NBEAL1: variants seen among roughly 807,000 people sequenced by gnomAD.
The protein encoded by NBEAL1 is neurobeachin like 1, also known as neurobeachin-like protein 1.
A neutral mutation model predicts 351.3 loss-of-function variants in NBEAL1; 273 were observed. The observed-to-expected ratio is 0.78, with a 90% CI of 0.70 to 0.86. NBEAL1 has a LOEUF of 0.86. Ranked by LOEUF, NBEAL1 falls within the 40% of genes least tolerant of loss-of-function variation. The pLI, the probability that NBEAL1 is intolerant of heterozygous loss-of-function variation, is 0.00. For synonymous variants in NBEAL1, 1,050 were observed against 1,086.4 expected (o/e 0.97, Z 0.66); for missense variants, 2,961 against 3,201.3 (o/e 0.92, Z 1.81).
chr2:203,129,280 G>A (rs2063018876), intron 24 of NBEAL1, among the ~76,000 whole-genome samples: 1 of 152,054 alleles, frequency 6.6e-6, no homozygotes, highest in Admixed American at 6.6e-5. Context: ...TTAAAAAAAA[G>A]CATTTTAGAG....
chr2:203,099,859 T>C, intron 12 of NBEAL1, 147 bp downstream of exon 12: 1 of 556,402 alleles, frequency 1.8e-6, no homozygotes, highest in Non-Finnish European at 3.1e-6. Flanking sequence ...ATAAGCATAG[T>C]ACCCAATAGG....
At chr2:203,097,696 T>G (rs2062212730) in intron 11 of NBEAL1, 63 bp downstream of exon 11, 4 of 470,918 alleles carry the variant, frequency 8.5e-6, no homozygotes, top group Non-Finnish European at 1.1e-5. Flanking sequence ...GGAATAACTA[T>G]TCCTGTGCTT....
intron 6 of NBEAL1, among the ~76,000 whole-genome samples, chr2:203,065,580 G>A (rs986303308): frequency 1.1e-4 from 16 of 151,858 alleles, no homozygotes; most frequent in South Asian, 2.1e-4. Flanking sequence ...GTGAAACCCC[G>A]TCTCTACTAA....
chr2:203,085,689 G>A (rs1450261539), intron 10 of NBEAL1: 1 of 151,956 alleles, frequency 6.6e-6, no homozygotes, highest in African/African-American at 2.4e-5. Flanking sequence ...TAAATGATTT[G>A]GTGCCCTTTC....
intron 6 of NBEAL1, among the ~76,000 whole-genome samples, chr2:203,065,625 G>A (rs1264074345): frequency 6.6e-6 from 1 of 152,040 alleles, no homozygotes; most frequent in East Asian, 1.9e-4. Flanking sequence ...GGTGGCGGGC[G>A]CCTGTAGTCC....
intron 45 of NBEAL1, 75 bp from the exon 46 acceptor site, chr2:203,190,217 C>A (rs2065031539): frequency 6.4e-6 from 5 of 776,560 alleles, no homozygotes; most frequent in Admixed American, 2.2e-5. Context: ...CACCAATGAG[C>A]CTGATACATT....
intron 36 of NBEAL1, among the ~76,000 whole-genome samples, chr2:203,159,021 A>G (rs546960850): frequency 6.6e-6 from 1 of 151,704 alleles, no homozygotes; most frequent in Admixed American, 6.6e-5. Context: ...GTCTCACTGT[A>G]TTGCCCAGGC....
rs902339081 is a variant in NBEAL1 at position 203,157,629 on chromosome 2, C to G, written c.5588-70C>G. ...AACAGTCAGGAACACAATTAGCAGT[C>G]AGAAATTACAGAAAGGCTATAATAT... On this transcript the variant is annotated intron_variant, in intron 35 of 55. Transcript: ENST00000683969. 50 of 1,181,384 alleles carry G rather than the reference C, an allele frequency of 4.2e-5. No homozygotes were observed. In the Admixed American group the frequency reaches 1.3e-3, roughly 32 times the overall value. The allele number at this position is 1,181,384 out of a possible 1,614,324, so 73.2% of individuals were successfully genotyped here. A position where few individuals can be genotyped will look rare whatever the true frequency, so the allele number is the denominator to read the frequency against.
At position 203,152,352 on chromosome 2, in the gene NBEAL1, G is replaced by GA. The variant is rs200515736; in HGVS notation, c.5587+777dup. On this transcript the variant is annotated intron_variant, in intron 35 of 55. Transcript: ENST00000683969. Reference sequence around the variant, plus strand: ...TTAGATTGGCCAATGCCTTTTTCTAGAAAAAAAAAAAAAACTACTTGAGGT... The same window carrying GA: ...TTAGATTGGCCAATGCCTTTTTCTAGAAAAAAAAAAAAAAACTACTTGAGGT... 3.3e-3 allele frequency among the ~76,000 whole-genome samples: 414 copies of GA among 124,686 alleles called. 1 individual carries two copies. The highest frequency in any genetic ancestry group is 8.2e-3 in the Middle Eastern group (2 of 244). The allele number at this position is 124,686 out of a possible 152,430, so 81.8% of individuals were successfully genotyped here.
At chr2:203,095,767 T>G (rs2062171247) in intron 10 of NBEAL1, among the ~76,000 whole-genome samples, 2 of 152,224 alleles carry the variant, frequency 1.3e-5, no homozygotes, top group South Asian at 4.2e-4. Flanking sequence ...TTGTTTTTTG[T>G]TTGTTTTGTT....
chr2:203,062,212 C>T lies in NBEAL1; in HGVS notation c.515+4759C>T. 2.2e-6 allele frequency: 1 copy of T among 455,746 alleles called. No homozygotes were observed. Among genetic ancestry groups the T allele is most frequent in the South Asian group, 1.6e-5 (1 of 64,398 alleles). 28.2% of individuals were successfully genotyped at this position (455,746 alleles called of 1,614,324 possible). On this transcript the variant is annotated intron_variant, in intron 6 of 55. Transcript: ENST00000683969. The surrounding 1 kb of genome is among the most constrained non-coding windows in gnomAD (Gnocchi z 4.2). Reference sequence around the variant, plus strand: ...TTCACACAGTCTCTCTACCATATGACTTACATTTCTCCCATATTTTCTGAC... The same window carrying T: ...TTCACACAGTCTCTCTACCATATGATTTACATTTCTCCCATATTTTCTGAC...
At chr2:203,041,626 A>T in intron 2 of NBEAL1, 139 bp from the exon 3 acceptor site, 1 of 621,792 alleles carries the variant, frequency 1.6e-6, no homozygotes, top group South Asian at 2.1e-5. Flanking sequence ...TGTACATTTT[A>T]AAACAGCACA....
Position 203,221,642 on chromosome 2 carries a change from A to G in NBEAL1, c.*4288A>G, listed in dbSNP as rs1329800345. Among the ~76,000 whole-genome samples the G allele has an allele frequency of 6.6e-6, 1 of 152,152 alleles. No individual in the cohort carries two copies. The highest frequency in any genetic ancestry group is 1.5e-5 in the Non-Finnish European group (1 of 68,032). On this transcript the variant is annotated 3_prime_UTR_variant, in exon 56 of 56. Coordinates refer to ENST00000683969, the MANE Select transcript of NBEAL1 (RefSeq NM_001378026.1). Reference sequence around the variant, plus strand: ...TGAAACTGTTTCTCCCCAATAAGTGAGCAATCTTAAACATTTTCATCACTC... The same window carrying G: ...TGAAACTGTTTCTCCCCAATAAGTGGGCAATCTTAAACATTTTCATCACTC...
chr2:203,176,466 T>C (rs2064505221), intron 42 of NBEAL1, among the ~76,000 whole-genome samples: 1 of 152,128 alleles, frequency 6.6e-6, no homozygotes, highest in South Asian at 2.1e-4. Context: ...AGTTCACACC[T>C]CTAATCCCAG....
chr2:203,210,849 C>G (rs879549484), intron 53 of NBEAL1, 109 bp from the exon 54 acceptor site: 8 of 545,948 alleles, frequency 1.5e-5, no homozygotes, highest in Non-Finnish European at 2.5e-5. Flanking sequence ...ATATTTTTAT[C>G]CTAAAATGTT....
intron 4 of NBEAL1, 89 bp from the exon 5 acceptor site, chr2:203,056,338 C>T: frequency 1.4e-6 from 1 of 728,150 alleles, no homozygotes; most frequent in Non-Finnish European, 2.5e-6. Context: ...TGTTTGCCAG[C>T]ATGTGTTCTC....
At chr2:203,207,438 A>G (rs553595115) in intron 51 of NBEAL1, among the ~76,000 whole-genome samples, 31 of 152,326 alleles carry the variant, frequency 2.0e-4, no homozygotes, top group Non-Finnish European at 3.1e-4. Flanking sequence ...AGAACGGGCC[A>G]TGATGACAAT....
chr2:203,075,945 C>A (rs1339952511), intron 7 of NBEAL1, among the ~76,000 whole-genome samples: 2 of 152,136 alleles, frequency 1.3e-5, no homozygotes, highest in Non-Finnish European at 2.9e-5. Context: ...AAGTTTCTAT[C>A]CAGGTTACCT....
At chr2:203,177,455 G>T (rs1362814592) in intron 42 of NBEAL1, among the ~76,000 whole-genome samples, 2 of 150,912 alleles carry the variant, frequency 1.3e-5, no homozygotes, top group Non-Finnish European at 1.5e-5. Context: ...ATAGACAACA[G>T]ATCTAAATAA....
Sources: allele counts gnomAD v4.1 joint callset (sites outside exome capture counted in the v4.1 genomes callset), GRCh38; gene constraint gnomAD v4.1.1; non-coding constraint Gnocchi (gnomAD v3.1); transcripts MANE v1.5; gene names NCBI Gene and HGNC (gene_info 2026-07-23, HGNC 2026-07-21).